Variants in PFKM observed in about 807,000 individuals in gnomAD.
PFKM encodes the protein ATP-dependent 6-phosphofructokinase, muscle type.
Under a neutral mutation model 95.5 loss-of-function variants are expected in PFKM, and 58 were observed. The observed-to-expected ratio is 0.61, with a 90% CI of 0.49 to 0.76. The LOEUF (loss-of-function observed/expected upper bound fraction) is 0.76, where lower values mean the gene tolerates loss of function less well. Among genes scored for constraint, PFKM ranks in the 30% least tolerant of loss-of-function variants. The pLI is 0.00. For synonymous variants in PFKM, 336 were observed against 357.2 expected, an observed-to-expected ratio of 0.94 and a Z score of 0.67; for missense variants, 678 against 1,005.4, an observed-to-expected ratio of 0.67 and a Z score of 4.40.
intron 1 of PFKM, among the ~76,000 whole-genome samples, chr12:48,121,356 T>C (rs957261799): frequency 3.9e-5 from 6 of 152,226 alleles, no homozygotes; most frequent in East Asian, 1.9e-4. Flanking sequence ...AAGGGCTAAA[T>C]TGTAGAAGCT....
rs376138631 is a variant in PFKM, at chr12:48,142,031, G to A, written c.1618G>A (p.Val540Ile). ...SNNVPGSDFS[V>I]GADTALNTIC... ...CAATGTCCCTGGCTCAGACTTCAGCGTTGGGGCTGACACAGCACTCAATAC... is the reference window on the plus strand; with the variant it reads ...CAATGTCCCTGGCTCAGACTTCAGCATTGGGGCTGACACAGCACTCAATAC... Residue 540 changes from valine to isoleucine, a missense_variant, in exon 17 of 23, where the codon GTT becomes ATT. Transcript: ENST00000359794. 42 of 1,613,884 alleles carry A rather than the reference G, an allele frequency of 2.6e-5. No individual in the cohort carries two copies. Among genetic ancestry groups the A allele is most frequent in the Middle Eastern group, 1.6e-4 (1 of 6,084 alleles).
chr12:48,139,337 A>G lies in PFKM; in HGVS notation c.1115A>G (p.Lys372Arg), dbSNP rs375592512. ...MDEKKFDEAL[K>R]LRGRSFMNNW... is the part of the protein sequence containing the mutation. ...GAGAAGAAATTTGACGAAGCCCTGA[A>G]GCTGAGAGGCCGGTGAGGAGATGAC... The change falls in exon 12 of 23, where the codon AAG (lysine) becomes AGG (arginine). Residue 372 changes from lysine to arginine, a missense_variant. Physicochemically the swap from Lys to Arg is conservative, Grantham distance 26. Coordinates refer to ENST00000359794, the MANE Select transcript of PFKM (RefSeq NM_000289.6). 21 of 1,613,516 alleles carry G rather than the reference A, an allele frequency of 1.3e-5. No homozygotes were observed. Among genetic ancestry groups the G allele is most frequent in the Non-Finnish European group, 1.7e-5 (20 of 1,179,626 alleles).
chr12:48,141,878 C>T, intron 16 of PFKM, 36 bp from the exon 17 acceptor site: 2 of 1,613,942 alleles, frequency 1.2e-6, no homozygotes, highest in Non-Finnish European at 1.7e-6. Context: ...TCCTCTCCCT[C>T]TCCCCAATCC....
chr12:48,110,421 T>G (rs1371138070), intron 3 of PFKM, among the ~76,000 whole-genome samples: 1 of 152,178 alleles, frequency 6.6e-6, no homozygotes, highest in African/African-American at 2.4e-5. Flanking sequence ...GAGGATGGAT[T>G]GGAGAGGTAC....
chr12:48,115,365 G>A (rs907415975), upstream of PFKM, among the ~76,000 whole-genome samples: 2 of 152,202 alleles, frequency 1.3e-5, no homozygotes, highest in Non-Finnish European at 2.9e-5. Context: ...AAAGGGTGGT[G>A]GATTATCATT....
At chr12:48,125,341 G>C (rs536456703) in intron 2 of PFKM, 1 of 449,824 alleles carries the variant, frequency 2.2e-6, no homozygotes, top group African/African-American at 2.0e-5. Context: ...GACGGGATCG[G>C]CCAGGTGCAG....
chr12:48,121,599 C>T (rs1024701984), intron 1 of PFKM, among the ~76,000 whole-genome samples: 9 of 152,120 alleles, frequency 5.9e-5, no homozygotes, highest in African/African-American at 9.7e-5. Flanking sequence ...ACAAGCTGCC[C>T]GTAAAACTTG....
At chr12:48,139,079 T>C (rs1370351954) in intron 11 of PFKM, among the ~76,000 whole-genome samples, 1 of 152,192 alleles carries the variant, frequency 6.6e-6, no homozygotes, top group Non-Finnish European at 1.5e-5. Context: ...GAATCAGTTC[T>C]TTTCTTTTGC....
chr12:48,122,067 G>A (rs893083181), intron 1 of PFKM, among the ~76,000 whole-genome samples: 1 of 152,140 alleles, frequency 6.6e-6, no homozygotes, highest in African/African-American at 2.4e-5. Context: ...TTCATAGCAT[G>A]TAGTAATGTG....
At chr12:48,133,542 A>G (rs1453727820) in intron 6 of PFKM, 62 bp downstream of exon 6, 2 of 1,458,816 alleles carry the variant, frequency 1.4e-6, no homozygotes, top group Non-Finnish European at 1.9e-6. Context: ...CTAAAGGGCT[A>G]GAAGCTCCTG....
At chr12:48,127,895 C>G (rs1301427189) in intron 2 of PFKM, among the ~76,000 whole-genome samples, 2 of 152,228 alleles carry the variant, frequency 1.3e-5, no homozygotes, top group East Asian at 3.8e-4. Context: ...TGTGGGGTTC[C>G]TGGATTCCCT....
Position 48,145,624 on chromosome 12 carries a change from C to T in PFKM, c.2259C>T (p.Ala753=), listed in dbSNP as rs760277192. ...LKLRPILKIL[A]KYEIDLDTSD... ...TGAGGCCCATCCTCAAAATCCTAGC[C>T]AAGTACGAGATTGACTTGGACACTT... is the stretch of plus-strand genomic sequence containing the variant. Residue 753 remains alanine (A), a synonymous_variant, in exon 23 of 23, where the codon GCC becomes GCT. Coordinates refer to ENST00000359794, the MANE Select transcript of PFKM (RefSeq NM_000289.6). The surrounding 1 kb of genome is among the most constrained non-coding windows in gnomAD (Gnocchi z 4.3). 6.2e-7 allele frequency: 1 copy of T among 1,614,084 alleles called. No individual in the cohort carries two copies. The highest frequency in any genetic ancestry group is 1.1e-5 in the South Asian group (1 of 91,076).
rs1458751002 is a variant in PFKM, at chr12:48,134,225, C to T, written c.594-7C>T. On this transcript the variant is annotated splice_region_variant and splice_polypyrimidine_tract_variant and intron_variant, in intron 6 of 22. Transcript: ENST00000359794. The stretch of plus-strand genomic sequence containing the variant: ...CTTGGACTGTGTCATATGTCTATCT[C>T]TTGCAGCCACCAGAGGACATTTGTG... 5 of 1,613,542 alleles carry T rather than the reference C, an allele frequency of 3.1e-6. No individual in the cohort carries two copies. Among genetic ancestry groups the T allele is most frequent in the Admixed American group, 1.7e-5 (1 of 60,016 alleles).
At chr12:48,115,067 G>A (rs1442748655), upstream of PFKM, among the ~76,000 whole-genome samples, 1 of 152,172 alleles carries the variant, frequency 6.6e-6, no homozygotes, top group Non-Finnish European at 1.5e-5. Context: ...CAATGTGGGT[G>A]AGCAGCCAAA....
rs1592727614 is a variant in PFKM at position 48,132,978 on chromosome 12, T to G, written c.348T>G (p.Ile116Met). ...VKRGITNLCV[I>M]GGDGSLTGAD... ...GTGGGATCACCAATCTCTGTGTCAT[T>G]GGGGGTGATGGCAGCCTCACTGGGG... is the stretch of plus-strand genomic sequence containing the variant. Residue 116 changes from isoleucine to methionine, a missense_variant, in exon 5 of 23, where the codon ATT becomes ATG. Transcript: ENST00000359794. 1 of 1,613,998 alleles carries G rather than the reference T, an allele frequency of 6.2e-7. No homozygotes were observed.
intron 3 of PFKM, among the ~76,000 whole-genome samples, chr12:48,111,791 G>A (rs1311556056): frequency 1.3e-5 from 2 of 152,194 alleles, no homozygotes; most frequent in Non-Finnish European, 2.9e-5. Context: ...AATAATGTGG[G>A]AGGCCGGATG....
Position 48,142,841 on chromosome 12 carries a change from G to A in PFKM, c.1713G>A (p.Glu571=). Residue 571 remains glutamate, a synonymous_variant, in exon 18 of 23, where the codon GAG becomes GAA. Coordinates refer to ENST00000359794, the MANE Select transcript of PFKM (RefSeq NM_000289.6). ...CCAAGCGTCGGGTGTTTATCATTGAGACTATGGGTGGCTACTGTGGCTACC... is the reference window on the plus strand; with the variant it reads ...CCAAGCGTCGGGTGTTTATCATTGAAACTATGGGTGGCTACTGTGGCTACC... ...AGTKRRVFII[E]TMGGYCGYLA... is the part of the protein sequence containing the mutation. 6.2e-7 allele frequency: 1 copy of A among 1,614,140 alleles called. No homozygotes were observed. Among genetic ancestry groups the A allele is most frequent in the East Asian group, 2.2e-5 (1 of 44,880 alleles).
rs777862585 is a variant in PFKM at position 48,145,204 on chromosome 12, T to C, written c.2093-6T>C. The C allele has an allele frequency of 6.2e-7, 1 of 1,613,924 alleles. No homozygotes were observed. Among genetic ancestry groups the C allele is most frequent in the Non-Finnish European group, 8.5e-7 (1 of 1,179,802 alleles). On this transcript the variant is annotated splice_polypyrimidine_tract_variant and splice_region_variant and intron_variant, in intron 21 of 22. Coordinates refer to ENST00000359794, the MANE Select transcript of PFKM (RefSeq NM_000289.6). This position sits in a 1 kb window ranked among gnomAD's most constrained non-coding sequence, Gnocchi z 4.3. The stretch of plus-strand genomic sequence containing the variant: ...ATAGAAGCTGACTGCCCATCCCTCA[T>C]TGCAGGGCGGATCTTTGCCAATACT...
intron 11 of PFKM, 43 bp downstream of exon 11, chr12:48,137,889 C>T: frequency 6.2e-7 from 1 of 1,612,102 alleles, no homozygotes. Flanking sequence ...CTCTCAAGCC[C>T]CTGCCTTGGA....
Sources: gnomAD v4.1 joint callset for allele counts (sites outside exome capture counted in the v4.1 genomes callset) on GRCh38, gnomAD v4.1.1 for gene constraint, Gnocchi (gnomAD v3.1) non-coding constraint, MANE v1.5 for transcripts, NCBI Gene and HGNC (gene_info 2026-07-23, HGNC 2026-07-21) for gene names.